Variants in AADAT observed in about 807,000 individuals in gnomAD.
The protein encoded by AADAT is kynurenine/alpha-aminoadipate aminotransferase, mitochondrial.
AADAT carries 25 observed loss-of-function variants against 56.2 expected under a neutral mutation model. The observed-to-expected ratio is 0.44, with a 90% CI of 0.32 to 0.62. The LOEUF (loss-of-function observed/expected upper bound fraction) is 0.62, where lower values mean the gene tolerates loss of function less well. AADAT is among the 20% of genes least tolerant of loss of function. The probability of loss-of-function intolerance (pLI) is 0.04; values close to 1 mark genes in which losing one functional copy is unlikely to be tolerated. For missense variants in AADAT, 387 were observed against 510.5 expected, an observed-to-expected ratio of 0.76 and a Z score of 2.33; for synonymous variants, 173 against 164.7, an observed-to-expected ratio of 1.05 and a Z score of -0.39.
chr4:170,062,026 C>T (rs1357091448), intron 11 of AADAT, 33 bp from the exon 12 acceptor site: 1 of 1,470,706 alleles, frequency 6.8e-7, no homozygotes, highest in African/African-American at 1.4e-5. Flanking sequence ...AGTAATGTAC[C>T]ACTAAAGAAA....
At chr4:170,064,963 A>T (rs931146511) in intron 10 of AADAT, 138 bp from the exon 11 acceptor site, 2 of 675,068 alleles carry the variant, frequency 3.0e-6, no homozygotes, top group African/African-American at 1.9e-5. Context: ...TAGCATTTTT[A>T]AAAATATCAT....
chr4:170,087,367 C>T, intron 2 of AADAT, 119 bp from the exon 3 acceptor site: 1 of 930,762 alleles, frequency 1.1e-6, no homozygotes, highest in Non-Finnish European at 1.6e-6. Flanking sequence ...AAAAAACCCT[C>T]AAATGCTTTT....
intron 4 of AADAT, among the ~76,000 whole-genome samples, chr4:170,073,679 T>G (rs1377862510): frequency 6.6e-6 from 1 of 152,012 alleles, no homozygotes; most frequent in East Asian, 1.9e-4. Context: ...TTTTGTATTT[T>G]TAGTAGCGAT....
intron 6 of AADAT, chr4:170,070,331 G>GTA (rs1473434229): frequency 6.1e-6 from 2 of 330,568 alleles, no homozygotes; most frequent in African/African-American, 4.4e-5. Flanking sequence ...CCAGTGCCTG[G>GTA]TATAGAAAGC....
At chr4:170,078,225 G>T (rs1238169970) in intron 4 of AADAT, among the ~76,000 whole-genome samples, 1 of 152,052 alleles carries the variant, frequency 6.6e-6, no homozygotes, top group Non-Finnish European at 1.5e-5. Context: ...AAAATATTAA[G>T]AGAATTGGAC....
chr4:170,083,756 G>C (rs1732424711), intron 3 of AADAT, among the ~76,000 whole-genome samples: 1 of 152,142 alleles, frequency 6.6e-6, no homozygotes, highest in East Asian at 1.9e-4. Flanking sequence ...GATGAGGGTA[G>C]AGAAAGGGGA....
chr4:170,076,710 C>A (rs1286302943), intron 4 of AADAT, among the ~76,000 whole-genome samples: 1 of 152,132 alleles, frequency 6.6e-6, no homozygotes, highest in African/African-American at 2.4e-5. Flanking sequence ...TACACAACCA[C>A]TTTTAAATCT....
chr4:170,078,638 C>T, intron 3 of AADAT, 55 bp from the exon 4 acceptor site: 1 of 1,285,286 alleles, frequency 7.8e-7, no homozygotes, highest in Non-Finnish European at 1.1e-6. Context: ...GTACTGTTTC[C>T]ATGCTCAGAA....
chr4:170,089,987 CCGCCGCGGGCCT>C (rs937168996), upstream of AADAT: 34 of 193,020 alleles, frequency 1.8e-4, no homozygotes, highest in African/African-American at 6.6e-4. Flanking sequence ...CGGTTTTGCC[CCGCCGCGGGCCT>C]CGCCGCGCCC....
chr4:170,089,601 G>A (rs144558433), intron 1 of AADAT, 23 bp downstream of exon 1: 17 of 1,614,098 alleles, frequency 1.1e-5, no homozygotes, highest in Middle Eastern at 1.6e-4. Flanking sequence ...CCCCAAAGGA[G>A]AGATGGTCAC....
upstream of AADAT, chr4:170,091,709 A>G (rs1732844715): frequency 6.6e-6 from 1 of 152,416 alleles, no homozygotes; most frequent in Non-Finnish European, 1.5e-5. Flanking sequence ...TCTAGAGGAG[A>G]CTTGGAGAAC....
chr4:170,087,776 T>C lies in AADAT; in HGVS notation c.237-528A>G, dbSNP rs1186238042. 4.6e-5 allele frequency among the ~76,000 whole-genome samples: 7 copies of C among 152,082 alleles called. No homozygotes were observed. In the East Asian group the frequency reaches 1.4e-3, roughly 30 times the overall value. ...TAGATTCTCTATAAATTATCCTTTA[T>C]CACTTGAAGAAGACCAGCTAAGAAA... On this transcript the variant is annotated intron_variant, in intron 2 of 12. Coordinates refer to ENST00000337664, the MANE Select transcript of AADAT (RefSeq NM_016228.4).
At chr4:170,089,113 C>T (rs952038768) in intron 1 of AADAT, 2 of 199,102 alleles carry the variant, frequency 1.0e-5, no homozygotes, top group East Asian at 1.6e-4. Context: ...TTCTAGGCAC[C>T]TCACTTGTGG....
chr4:170,083,024 A>G (rs1732388360), intron 3 of AADAT, among the ~76,000 whole-genome samples: 1 of 150,812 alleles, frequency 6.6e-6, no homozygotes, highest in African/African-American at 2.4e-5. Flanking sequence ...AGATAAAACT[A>G]CATACTAGAT....
At chr4:170,091,313 G>A (rs188659446), upstream of AADAT, among the ~76,000 whole-genome samples, 704 of 152,292 alleles carry the variant, frequency 4.6e-3, 7 homozygotes, top group Non-Finnish European at 6.4e-3. Flanking sequence ...TTGGCGGGCC[G>A]GCACTCAGAG....
rs1731751800 is a variant in AADAT, at chr4:170,071,309, C to T, written c.655-657G>A. On this transcript the variant is annotated intron_variant, in intron 5 of 12. Coordinates refer to ENST00000337664, the MANE Select transcript of AADAT (RefSeq NM_016228.4). ...CAGGTTCAATCACTGAGAAGGCCTT[C>T]CAGACCAGGTAATATCAGAGCTTAA... Among the ~76,000 whole-genome samples, 5 of 152,146 alleles carry T rather than the reference C, an allele frequency of 3.3e-5. No homozygotes were observed. The South Asian group carries it at 1.0e-3, about 32-fold the overall frequency.
At chr4:170,064,677 A>T (rs1233545913) in intron 11 of AADAT, 42 bp downstream of exon 11, 3 of 1,477,190 alleles carry the variant, frequency 2.0e-6, no homozygotes, top group Non-Finnish European at 1.8e-6. Context: ...AAAAAGTATA[A>T]CTTTTCCTTA....
chr4:170,075,665 T>G (rs1320874983), intron 4 of AADAT, among the ~76,000 whole-genome samples: 6 of 152,214 alleles, frequency 3.9e-5, no homozygotes, highest in Non-Finnish European at 8.8e-5. Flanking sequence ...TCACAATGTG[T>G]GCATCCATCA....
Position 170,069,142 on chromosome 4 carries a change from C to A in AADAT, c.803+6G>T. On this transcript the variant is annotated splice_donor_region_variant and intron_variant, in intron 7 of 12. Transcript: ENST00000337664. The stretch of plus-strand genomic sequence containing the variant: ...CTAGCGTCAAGTTAGAGACACAGGG[C>A]CTTACCCAGAGGAAATGATTTTTGA... 6.2e-7 allele frequency: 1 copy of A among 1,612,562 alleles called. No individual in the cohort carries two copies. The highest frequency in any genetic ancestry group is 8.5e-7 in the Non-Finnish European group (1 of 1,179,050).
Sources: gnomAD v4.1 joint callset for allele counts (sites outside exome capture counted in the v4.1 genomes callset) on GRCh38, gnomAD v4.1.1 for gene constraint, MANE v1.5 for transcripts, NCBI Gene and HGNC (gene_info 2026-07-23, HGNC 2026-07-21) for gene names.